The following LYPD6B variants were observed in gnomAD, a reference collection of about 807,000 sequenced individuals.
LYPD6B encodes LY6/PLAUR domain containing 6B.
In LYPD6B, 17 loss-of-function variants were observed where a neutral mutation model predicts 22.8. That is an observed-to-expected ratio of 0.75 (90% CI 0.51 to 1.12). The LOEUF is 1.12. LYPD6B is among the 50% of genes most tolerant of loss of function. LYPD6B has a pLI of 0.00. For synonymous variants in LYPD6B, 106 were observed against 91.6 expected, an observed-to-expected ratio of 1.16 and a Z score of -0.90; for missense variants, 221 against 258.3, an observed-to-expected ratio of 0.86 and a Z score of 0.99.
chr2:149,117,352 T>C (rs905386293), intron 1 of LYPD6B, among the ~76,000 whole-genome samples: 1 of 151,814 alleles, frequency 6.6e-6, no homozygotes, highest in Non-Finnish European at 1.5e-5. Context: ...CTCACTGATA[T>C]CTCTGCCTCC....
intron 2 of LYPD6B, chr2:149,160,359 A>C: frequency 2.2e-6 from 1 of 449,616 alleles, no homozygotes; most frequent in Non-Finnish European, 4.5e-6. Context: ...CAGAGTCTTC[A>C]TTGTGGATGT....
chr2:149,096,314 A>G (rs1161718060), intron 1 of LYPD6B, among the ~76,000 whole-genome samples: 1 of 152,170 alleles, frequency 6.6e-6, no homozygotes. Flanking sequence ...GGGCAGTAGG[A>G]TGTCAGGTCT....
At chr2:149,161,132 A>G (rs750442357) in intron 3 of LYPD6B, among the ~76,000 whole-genome samples, 10 of 152,204 alleles carry the variant, frequency 6.6e-5, no homozygotes, top group Non-Finnish European at 1.5e-4. Context: ...GTCAATTGAA[A>G]GAGAACTTCC....
rs190152690 is a variant in LYPD6B at position 149,122,908 on chromosome 2, A to G, written c.-66-7975A>G. Among the ~76,000 whole-genome samples the G allele has an allele frequency of 1.2e-3, 176 of 152,302 alleles. 1 individual carries two copies. The highest frequency in any genetic ancestry group is 4.2e-3 in the African/African-American group (173 of 41,566). The stretch of plus-strand genomic sequence containing the variant: ...CTACCTTATAACTGAGTACTGTGAC[A>G]TGGTTTCCGTGTCTGCATCTACATT... On this transcript the variant is annotated intron_variant, in intron 1 of 6. Transcript: ENST00000409642.
At position 149,170,171 on chromosome 2, in the gene LYPD6B, C is replaced by A. The variant is rs144798646; in HGVS notation, c.77+9336C>A. The stretch of plus-strand genomic sequence containing the variant: ...CAGCTAATCTGGTTGATCACAAGGG[C>A]AAAGATACAGCTATGAAAATGGATA... On this transcript the variant is annotated intron_variant, in intron 3 of 6. Transcript: ENST00000409642. Among the ~76,000 whole-genome samples, 9 of 152,276 alleles carry A rather than the reference C, an allele frequency of 5.9e-5. No homozygotes were observed. The East Asian group carries it at 1.7e-3, about 29-fold the overall frequency.
intron 2 of LYPD6B, chr2:149,144,075 A>G (rs753424736): frequency 2.6e-5 from 4 of 152,242 alleles, no homozygotes; most frequent in Non-Finnish European, 5.9e-5. Flanking sequence ...TTGACTGTGT[A>G]CTTATCATTG....
intron 6 of LYPD6B, 107 bp from the exon 7 acceptor site, chr2:149,214,439 G>A (rs1694067250): frequency 1.7e-6 from 2 of 1,190,622 alleles, no homozygotes; most frequent in Admixed American, 2.1e-5. Flanking sequence ...AACTCCAATT[G>A]TCTGTCTTCA....
intron 1 of LYPD6B, among the ~76,000 whole-genome samples, chr2:149,068,071 G>A (rs553001171): frequency 1.3e-5 from 2 of 152,274 alleles, no homozygotes; most frequent in Non-Finnish European, 2.9e-5. Flanking sequence ...TATTGAGACT[G>A]GAAAAGTCTT....
At position 149,175,061 on chromosome 2, in the gene LYPD6B, C is replaced by CTG. The variant is rs1330239336; in HGVS notation, c.77+14250_77+14251dup. Among the ~76,000 whole-genome samples the CTG allele has an allele frequency of 1.5e-3, 168 of 113,066 alleles. 3 individuals are homozygous for CTG. Among genetic ancestry groups the CTG allele is most frequent in the African/African-American group, 3.8e-3 (118 of 31,072 alleles). The allele number at this position is 113,066 out of a possible 152,430, so 74.2% of individuals were successfully genotyped here. On this transcript the variant is annotated intron_variant, in intron 3 of 6. Transcript: ENST00000409642. Reference sequence around the variant, plus strand: ...TCTCTCTCTCTCTCTCTCTCTCTCTCTGTGTGTGTGTGTGTGTGTGTGTGT... The same window carrying CTG: ...TCTCTCTCTCTCTCTCTCTCTCTCTCTGTGTGTGTGTGTGTGTGTGTGTGTGT...
chr2:149,128,477 C>A (rs548386720), intron 1 of LYPD6B, among the ~76,000 whole-genome samples: 19 of 152,152 alleles, frequency 1.2e-4, no homozygotes, highest in Non-Finnish European at 8.8e-5. Flanking sequence ...TACTGTTGAG[C>A]AGTTACTGTA....
chr2:149,098,367 G>A (rs775680176), intron 1 of LYPD6B, among the ~76,000 whole-genome samples: 1 of 152,082 alleles, frequency 6.6e-6, no homozygotes, highest in Non-Finnish European at 1.5e-5. Flanking sequence ...GCTCATGCCT[G>A]TAATCCCAGC....
chr2:149,153,033 G>T (rs1689471183), intron 2 of LYPD6B, among the ~76,000 whole-genome samples: 1 of 152,128 alleles, frequency 6.6e-6, no homozygotes, highest in African/African-American at 2.4e-5. Flanking sequence ...GGGAAAACAA[G>T]ACTCCCTAAT....
At chr2:149,183,639 A>G (rs1057143329) in intron 3 of LYPD6B, among the ~76,000 whole-genome samples, 3 of 151,996 alleles carry the variant, frequency 2.0e-5, no homozygotes, top group African/African-American at 7.3e-5. Context: ...ATGCTTCATA[A>G]CTCATTGTCC....
At chr2:149,044,026 T>C (rs1203579416) in intron 1 of LYPD6B, among the ~76,000 whole-genome samples, 3 of 152,110 alleles carry the variant, frequency 2.0e-5, no homozygotes, top group African/African-American at 7.2e-5. Context: ...ATCTTGATTA[T>C]TGTGGCTTTA....
rs1689969927 is a variant in LYPD6B at position 149,160,241 on chromosome 2, A to G, written c.6-523A>G. Among the ~76,000 whole-genome samples, 4 of 152,236 alleles carry G rather than the reference A, an allele frequency of 2.6e-5. No individual in the cohort carries two copies. In the South Asian group the frequency reaches 8.3e-4, roughly 31 times the overall value. On this transcript the variant is annotated intron_variant, in intron 2 of 6. Coordinates refer to ENST00000409642, the MANE Select transcript of LYPD6B (RefSeq NM_177964.5). ...TTTATATTTGCTCATTTGAATGCAT[A>G]TAGGGAAACATTCCAGTTCCCTCCC...
At chr2:149,074,030 A>G (rs34342806) in intron 1 of LYPD6B, among the ~76,000 whole-genome samples, 3,434 of 152,306 alleles carry the variant, frequency 0.023, 61 homozygotes, top group Non-Finnish European at 0.033. Flanking sequence ...ACAAGCATCT[A>G]AGGATCAATA....
chr2:149,098,643 A>AAAAAAGAAAGAAAG (rs1686030178), intron 1 of LYPD6B, among the ~76,000 whole-genome samples: 1 of 130,960 alleles, frequency 7.6e-6, no homozygotes, highest in Non-Finnish European at 1.6e-5. Flanking sequence ...AAAAAAAAAA[A>AAAAAAGAAAGAAAG]AAAAAAGAAA....
intron 1 of LYPD6B, among the ~76,000 whole-genome samples, chr2:149,120,781 A>T (rs1230849709): frequency 3.6e-5 from 4 of 110,502 alleles, no homozygotes; most frequent in Non-Finnish European, 6.9e-5. Context: ...TATGCTACAA[A>T]GTCTTTTTTT....
chr2:149,046,932 G>A (rs1185625910), intron 1 of LYPD6B, among the ~76,000 whole-genome samples: 1 of 152,086 alleles, frequency 6.6e-6, no homozygotes, highest in Non-Finnish European at 1.5e-5. Context: ...GGCCATAGAT[G>A]GTCTCTGTTG....
Sources: allele counts gnomAD v4.1 joint callset (sites outside exome capture counted in the v4.1 genomes callset), GRCh38; gene constraint gnomAD v4.1.1; transcripts MANE v1.5; gene names NCBI Gene and HGNC (gene_info 2026-07-23, HGNC 2026-07-21).